GAS7: variants seen among roughly 807,000 people sequenced by gnomAD.
GAS7 encodes the protein growth arrest-specific protein 7.
In GAS7, 28 loss-of-function variants were observed where a neutral mutation model predicts 71.1. The observed-to-expected ratio is 0.39, with a 90% CI of 0.29 to 0.54. The LOEUF is 0.54. Among genes scored for constraint, GAS7 ranks in the 20% least tolerant of loss-of-function variants. The pLI is 0.62. For missense variants in GAS7, 436 were observed against 627.8 expected (o/e 0.69, Z 3.27); for synonymous variants, 258 against 245.8 (o/e 1.05, Z -0.46).
chr17:9,916,763 G>A lies in GAS7; in HGVS notation c.*465C>T. On this transcript the variant is annotated 3_prime_UTR_variant, in exon 14 of 14. Transcript: ENST00000432992. ...GCTGCAAAGGATTCTGGGTGCGGCT[G>A]TGAGCTGAATGGCACCTTCTACCCA... 1 of 397,946 alleles carries A rather than the reference G, an allele frequency of 2.5e-6. No individual in the cohort carries two copies. 24.7% of individuals were successfully genotyped at this position (397,946 alleles called of 1,614,324 possible). A position where few individuals can be genotyped will look rare whatever the true frequency, so the allele number is the denominator to read the frequency against.
rs1449263533 is a variant in GAS7 at position 9,959,764 on chromosome 17, C to T, written c.472-509G>A. On this transcript the variant is annotated intron_variant, in intron 4 of 13. Transcript: ENST00000432992. The surrounding 1 kb of genome is among the most constrained non-coding windows in gnomAD (Gnocchi z 5.0). ...CTGCTCGGTCACCTCCCTGACTCCCCGCTCCCCCAACCCCGTGAGCCAGGA... is the reference window on the plus strand; with the variant it reads ...CTGCTCGGTCACCTCCCTGACTCCCTGCTCCCCCAACCCCGTGAGCCAGGA... Among the ~76,000 whole-genome samples, 5 of 152,274 alleles carry T rather than the reference C, an allele frequency of 3.3e-5. No individual in the cohort carries two copies. The highest frequency in any genetic ancestry group is 2.6e-4 in the Admixed American group (4 of 15,290).
chr17:10,197,972 G>C (rs1428015826), intron 1 of GAS7, among the ~76,000 whole-genome samples: 1 of 152,190 alleles, frequency 6.6e-6, no homozygotes, highest in Non-Finnish European at 1.5e-5. Flanking sequence ...GTGTGCTCCG[G>C]AGGCCCGGCG....
In GAS7 at chr17:9,981,839, C is replaced by T; in HGVS notation, c.350G>A (p.Ser117Asn). 6.2e-7 allele frequency: 1 copy of T among 1,607,410 alleles called. No individual in the cohort carries two copies. The highest frequency in any genetic ancestry group is 8.5e-7 in the Non-Finnish European group (1 of 1,173,814). The change falls in exon 3 of 14, where the codon AGC becomes AAC. Residue 117 changes from serine (S) to asparagine (N), a missense_variant. Ser to Asn is a conservative substitution (Grantham distance 46). Transcript: ENST00000432992. This position sits in a 1 kb window ranked among gnomAD's most constrained non-coding sequence, Gnocchi z 4.4. ...RPSSSPGIPA[S>N]PGSHRSSLPP... ...CAGAGAGCTCCTGTGAGAGCCAGGG[C>T]TGGCTGGAATCCCAGGAGAACTGCT...
intron 1 of GAS7, among the ~76,000 whole-genome samples, chr17:10,182,300 C>T (rs1334701075): frequency 1.3e-5 from 2 of 152,068 alleles, no homozygotes; most frequent in Non-Finnish European, 2.9e-5. Context: ...GCTGGGATTA[C>T]AGGCGCCCAC....
At chr17:9,930,886 C>T (rs1357335751) in intron 9 of GAS7, among the ~76,000 whole-genome samples, 2 of 152,200 alleles carry the variant, frequency 1.3e-5, no homozygotes, top group African/African-American at 4.8e-5. Flanking sequence ...TGGAAGCAGC[C>T]GAGAGCCTCT....
intron 1 of GAS7, among the ~76,000 whole-genome samples, chr17:10,067,099 A>G (rs905309086): frequency 6.6e-6 from 1 of 151,078 alleles, no homozygotes; most frequent in Non-Finnish European, 1.5e-5. Context: ...TCCCAGCTCC[A>G]TGGTTCTGCC....
intron 1 of GAS7, among the ~76,000 whole-genome samples, chr17:10,171,883 C>T (rs12603956): frequency 0.19 from 28,627 of 152,080 alleles, 2,838 homozygotes; most frequent in Middle Eastern, 0.25. Context: ...AAACAAGTGA[C>T]GTTTCAACAC....
chr17:10,195,033 A>C (rs1289380842), intron 1 of GAS7, among the ~76,000 whole-genome samples: 4 of 152,100 alleles, frequency 2.6e-5, no homozygotes, highest in African/African-American at 9.7e-5. Context: ...CATCCTTTGA[A>C]GAGCTGCACC....
intron 1 of GAS7, among the ~76,000 whole-genome samples, chr17:10,094,517 G>A (rs557228630): frequency 6.6e-6 from 1 of 152,028 alleles, no homozygotes; most frequent in African/African-American, 2.4e-5. Flanking sequence ...AGCACAGGCT[G>A]TAGTGCAGCG....
chr17:10,005,187 G>A (rs2071456955), intron 2 of GAS7, among the ~76,000 whole-genome samples: 1 of 148,302 alleles, frequency 6.7e-6, no homozygotes, highest in African/African-American at 2.6e-5. Flanking sequence ...GTATGTGTAT[G>A]TGCACGCATG....
At chr17:10,106,300 G>A (rs28651858) in intron 1 of GAS7, among the ~76,000 whole-genome samples, 26,886 of 151,956 alleles carry the variant, frequency 0.18, 2,882 homozygotes, top group East Asian at 0.52. Context: ...CGGCTCCTCC[G>A]CAGACACCGG....
chr17:10,195,876 A>T (rs903922275), intron 1 of GAS7, among the ~76,000 whole-genome samples: 4 of 151,998 alleles, frequency 2.6e-5, no homozygotes, highest in African/African-American at 9.7e-5. Flanking sequence ...CAAGCACCTG[A>T]CCCACATGCC....
chr17:10,135,489 G>A (rs943000043), intron 1 of GAS7, among the ~76,000 whole-genome samples: 5 of 152,212 alleles, frequency 3.3e-5, no homozygotes, highest in South Asian at 2.1e-4. Flanking sequence ...GAGCCCGCCC[G>A]AGAGATTTCT....
intron 5 of GAS7, 93 bp from the exon 6 acceptor site, chr17:9,947,076 C>T (rs1271212355): frequency 2.5e-6 from 2 of 788,546 alleles, no homozygotes; most frequent in Non-Finnish European, 4.3e-6. Flanking sequence ...CTGGAGCAGC[C>T]TCCCTATTGA....
intron 1 of GAS7, among the ~76,000 whole-genome samples, chr17:10,184,145 T>C (rs1216532982): frequency 6.6e-6 from 1 of 152,234 alleles, no homozygotes; most frequent in Non-Finnish European, 1.5e-5. Context: ...TTCCTGACAC[T>C]GTTGGCATCT....
intron 1 of GAS7, among the ~76,000 whole-genome samples, chr17:10,045,887 T>C (rs943012224): frequency 6.6e-6 from 1 of 152,222 alleles, no homozygotes; most frequent in Non-Finnish European, 1.5e-5. Context: ...CAATATTTTT[T>C]TCGAACTGAC....
chr17:10,087,771 A>G (rs1476906466), intron 1 of GAS7, among the ~76,000 whole-genome samples: 1 of 152,210 alleles, frequency 6.6e-6, no homozygotes, highest in Non-Finnish European at 1.5e-5. Flanking sequence ...TCTCACTTCT[A>G]AAAATCCACA....
chr17:9,952,385 C>A (rs1397467378), intron 5 of GAS7, among the ~76,000 whole-genome samples: 5 of 152,066 alleles, frequency 3.3e-5, no homozygotes, highest in Non-Finnish European at 5.9e-5. Context: ...AGGACATGAA[C>A]AGACACTTTT....
chr17:10,197,628 G>A (rs75608143), intron 1 of GAS7, among the ~76,000 whole-genome samples: 22,401 of 152,146 alleles, frequency 0.15, 2,133 homozygotes, highest in Non-Finnish European at 0.21. Flanking sequence ...AGGCAGTGGC[G>A]GGGGGTGCTA....
Sources: allele counts gnomAD v4.1 joint callset (sites outside exome capture counted in the v4.1 genomes callset), GRCh38; gene constraint gnomAD v4.1.1; non-coding constraint Gnocchi (gnomAD v3.1); transcripts MANE v1.5; gene names NCBI Gene and HGNC (gene_info 2026-07-23, HGNC 2026-07-21).